Variants in HPSE2 observed in about 807,000 individuals in gnomAD.
The protein encoded by HPSE2 is inactive heparanase-2.
HPSE2 carries 38 observed loss-of-function variants against 60.5 expected under a neutral mutation model. That is an observed-to-expected ratio of 0.63 (90% confidence interval 0.48 to 0.82). The LOEUF is 0.82. HPSE2 is among the 40% of genes least tolerant of loss of function. The pLI, the probability that HPSE2 is intolerant of heterozygous loss-of-function variation, is 0.00. For synonymous variants in HPSE2, 295 were observed against 293.2 expected, an observed-to-expected ratio of 1.01 and a Z score of -0.06; for missense variants, 713 against 740.4, an observed-to-expected ratio of 0.96 and a Z score of 0.43.
intron 3 of HPSE2, among the ~76,000 whole-genome samples, chr10:99,118,360 A>G (rs1191616506): frequency 6.6e-6 from 1 of 151,854 alleles, no homozygotes; most frequent in Admixed American, 6.6e-5. Flanking sequence ...TGTCTCTACT[A>G]AAAATACAAA....
At chr10:99,225,936 T>C (rs1237598084) in intron 2 of HPSE2, among the ~76,000 whole-genome samples, 1 of 152,084 alleles carries the variant, frequency 6.6e-6, no homozygotes, top group Non-Finnish European at 1.5e-5. Flanking sequence ...AAACTCAATT[T>C]AAACATAATT....
intron 3 of HPSE2, among the ~76,000 whole-genome samples, chr10:98,953,079 T>A (rs1018799474): frequency 6.6e-6 from 1 of 152,196 alleles, no homozygotes; most frequent in Non-Finnish European, 1.5e-5. Context: ...GAATGAGTCC[T>A]TGAGACTGTT....
At chr10:98,985,238 A>T (rs1457795598) in intron 3 of HPSE2, among the ~76,000 whole-genome samples, 2 of 152,226 alleles carry the variant, frequency 1.3e-5, no homozygotes, top group Non-Finnish European at 2.9e-5. Context: ...GGGCAGCCAG[A>T]GAGAAAGGTC....
At chr10:99,220,107 A>G (rs34155788) in intron 2 of HPSE2, among the ~76,000 whole-genome samples, 14 of 152,228 alleles carry the variant, frequency 9.2e-5, no homozygotes, top group Non-Finnish European at 1.3e-4. Flanking sequence ...ATTTTGATGC[A>G]TAAGGTTAGT....
chr10:98,694,041 C>A, intron 5 of HPSE2, 94 bp from the exon 6 acceptor site: 1 of 1,002,888 alleles, frequency 1.0e-6, no homozygotes, highest in South Asian at 1.3e-5. Flanking sequence ...TTAGACCAAT[C>A]CTTAAGCAGG....
At chr10:99,162,207 C>G (rs1249617729) in intron 2 of HPSE2, among the ~76,000 whole-genome samples, 2 of 151,984 alleles carry the variant, frequency 1.3e-5, no homozygotes, top group East Asian at 3.9e-4. Context: ...GTGTATTTAA[C>G]CATAGTTTTT....
At chr10:99,305,973 G>GCGCA in the HPSE2 span, among the ~76,000 whole-genome samples, 1 of 44,054 alleles carries the variant, frequency 2.3e-5, no homozygotes, top group East Asian at 4.1e-4. Context: ...GCGCGCGCGC[G>GCGCA]CGCGCGCACA....
intron 9 of HPSE2, among the ~76,000 whole-genome samples, chr10:98,526,847 A>G (rs890396218): frequency 6.6e-6 from 1 of 152,154 alleles, no homozygotes; most frequent in African/African-American, 2.4e-5. Flanking sequence ...TCTGGGGCAT[A>G]GCACTCAGGG....
intron 3 of HPSE2, among the ~76,000 whole-genome samples, chr10:99,125,085 G>A (rs1309222347): frequency 6.6e-6 from 1 of 152,194 alleles, no homozygotes; most frequent in Non-Finnish European, 1.5e-5. Context: ...TTGAATCGGG[G>A]TATTTTGATT....
intron 3 of HPSE2, among the ~76,000 whole-genome samples, chr10:98,995,604 T>C (rs947540102): frequency 6.6e-6 from 1 of 152,130 alleles, no homozygotes; most frequent in Non-Finnish European, 1.5e-5. Context: ...ACTTCCCCCT[T>C]AAGATAAATA....
rs745695570 is a variant in HPSE2, at chr10:98,459,585, G to A, written c.1768C>T (p.Arg590Cys). 8.1e-6 allele frequency: 13 copies of A among 1,613,988 alleles called. No homozygotes were observed. The highest frequency in any genetic ancestry group is 4.0e-5 in the African/African-American group (3 of 74,904). The change falls in exon 12 of 12, where the codon CGC (arginine) becomes TGC (cysteine). Residue 590 changes from arginine to cysteine, a missense_variant. Transcript: ENST00000370552. ...VVKNVNALAC[R>C]YR ...AGTGTGAGGATAGCTTATCGGTAGC[G>A]GCAGGCCAAAGCATTGACATTCTTG... is the stretch of plus-strand genomic sequence containing the variant.
At chr10:98,631,477 A>T (rs1946363636) in intron 7 of HPSE2, among the ~76,000 whole-genome samples, 1 of 152,168 alleles carries the variant, frequency 6.6e-6, no homozygotes, top group Non-Finnish European at 1.5e-5. Flanking sequence ...CTTTTCTGTG[A>T]CTAACCAACC....
In HPSE2 at chr10:98,800,851, C is replaced by T. The variant is rs542262194; in HGVS notation, c.611-56795G>A. 4.6e-5 allele frequency among the ~76,000 whole-genome samples: 7 copies of T among 152,232 alleles called. No homozygotes were observed. In the South Asian group the frequency reaches 8.3e-4, roughly 18 times the overall value. The stretch of plus-strand genomic sequence containing the variant: ...AACTATTCTGAAAAATAGAGGAGGA[C>T]GGAATACTTCCAAACTCATTCTGTG... On this transcript the variant is annotated intron_variant, in intron 3 of 11. Transcript: ENST00000370552.
At chr10:98,833,617 T>C (rs1055434679) in intron 3 of HPSE2, among the ~76,000 whole-genome samples, 9 of 152,154 alleles carry the variant, frequency 5.9e-5, no homozygotes, top group Non-Finnish European at 1.5e-5. Context: ...ATTTTACCAA[T>C]GGGGAAACTG....
chr10:98,470,908 C>T (rs1008780116), intron 11 of HPSE2, among the ~76,000 whole-genome samples: 5 of 152,120 alleles, frequency 3.3e-5, no homozygotes, highest in Admixed American at 3.3e-4. Flanking sequence ...AAAAAACTCT[C>T]GGAAAATAAC....
At chr10:98,777,321 C>A (rs1950363024) in intron 3 of HPSE2, among the ~76,000 whole-genome samples, 1 of 152,100 alleles carries the variant, frequency 6.6e-6, no homozygotes, top group Non-Finnish European at 1.5e-5. Context: ...ATAGGTAGTT[C>A]AACAGACAAA....
At chr10:98,767,772 T>G (rs1380118335) in intron 3 of HPSE2, among the ~76,000 whole-genome samples, 1 of 145,674 alleles carries the variant, frequency 6.9e-6, no homozygotes, top group African/African-American at 2.5e-5. Context: ...TATATATTAC[T>G]ACATCATATA....
chr10:98,464,683 T>A (rs538742210), intron 11 of HPSE2, among the ~76,000 whole-genome samples: 19 of 152,392 alleles, frequency 1.2e-4, no homozygotes, highest in African/African-American at 4.6e-4. Flanking sequence ...AAATATTTTC[T>A]GAGCAAGTGA....
intron 2 of HPSE2, among the ~76,000 whole-genome samples, chr10:99,169,284 T>C (rs1452626406): frequency 6.8e-6 from 1 of 147,346 alleles, no homozygotes; most frequent in Non-Finnish European, 1.5e-5. Flanking sequence ...GGCAGGCGGA[T>C]CACGAAGTCA....
Sources: gnomAD v4.1 joint callset for allele counts (sites outside exome capture counted in the v4.1 genomes callset) on GRCh38, gnomAD v4.1.1 for gene constraint, MANE v1.5 for transcripts, NCBI Gene and HGNC (gene_info 2026-07-23, HGNC 2026-07-21) for gene names.